Variants in DLC1 observed in about 807,000 individuals in gnomAD.
The protein encoded by DLC1 is DLC1 Rho GTPase activating protein, also known as rho GTPase-activating protein 7.
A neutral mutation model predicts 140.3 loss-of-function variants in DLC1; 54 were observed. The ratio of observed to expected loss-of-function variants is 0.38; its 90% confidence interval spans 0.31 to 0.48. The LOEUF (loss-of-function observed/expected upper bound fraction) is 0.48, where lower values mean the gene tolerates loss of function less well. Ranked by LOEUF, DLC1 falls within the 20% of genes least tolerant of loss-of-function variation. DLC1 has a pLI of 0.96. For synonymous variants in DLC1, 986 were observed against 728.1 expected (o/e 1.35, Z -5.70); for missense variants, 2,536 against 1,907.0 (o/e 1.33, Z -6.14).
intron 1 of DLC1, among the ~76,000 whole-genome samples, chr8:13,576,453 A>C (rs377542251): frequency 6.6e-6 from 1 of 152,320 alleles, no homozygotes; most frequent in East Asian, 1.9e-4. Context: ...ATTTATAATG[A>C]GAATGTAAAC....
At chr8:13,162,203 C>A (rs896747548) in intron 5 of DLC1, among the ~76,000 whole-genome samples, 16 of 152,282 alleles carry the variant, frequency 1.1e-4, no homozygotes, top group Non-Finnish European at 2.4e-4. Flanking sequence ...CAGGAAAAGG[C>A]AAACAATTCT....
intron 4 of DLC1, among the ~76,000 whole-genome samples, chr8:13,384,827 A>G (rs1454141659): frequency 6.6e-6 from 1 of 152,164 alleles, no homozygotes; most frequent in African/African-American, 2.4e-5. Context: ...AACCTTAGAA[A>G]TGAATGCAAT....
intron 5 of DLC1, among the ~76,000 whole-genome samples, chr8:13,267,488 T>C (rs905111754): frequency 6.6e-6 from 1 of 152,162 alleles, no homozygotes; most frequent in Admixed American, 6.5e-5. Context: ...TGGATCATGA[T>C]AAACTGAACC....
At chr8:13,131,875 C>T (rs904150878) in intron 5 of DLC1, among the ~76,000 whole-genome samples, 2 of 152,188 alleles carry the variant, frequency 1.3e-5, no homozygotes, top group African/African-American at 2.4e-5. Context: ...CTTTCCTCGC[C>T]CCAGGGGCTG....
At chr8:13,550,262 T>C (rs972933947) in intron 1 of DLC1, among the ~76,000 whole-genome samples, 2 of 152,082 alleles carry the variant, frequency 1.3e-5, no homozygotes, top group African/African-American at 2.4e-5. Context: ...GCAGTTTTTT[T>C]CTCTGCTCAC....
At chr8:13,141,534 C>T (rs1029749420) in intron 5 of DLC1, among the ~76,000 whole-genome samples, 4 of 152,090 alleles carry the variant, frequency 2.6e-5, no homozygotes, top group African/African-American at 9.7e-5. Context: ...ACTAAGGAGA[C>T]GTTTTGTGCT....
At chr8:13,590,850 A>C (rs895562041) in intron 1 of DLC1, among the ~76,000 whole-genome samples, 4 of 152,154 alleles carry the variant, frequency 2.6e-5, no homozygotes, top group Non-Finnish European at 5.9e-5. Context: ...TGCTTCATTT[A>C]CAACTTAAGC....
At chr8:13,555,261 A>T (rs950724945) in intron 1 of DLC1, among the ~76,000 whole-genome samples, 6 of 151,650 alleles carry the variant, frequency 4.0e-5, no homozygotes, top group Admixed American at 3.9e-4. Flanking sequence ...TAAATTATTT[A>T]CTCACTGTGC....
rs199913730 is a variant in DLC1, at chr8:13,499,752, A to C, written c.320T>G (p.Leu107Arg). 6.2e-7 allele frequency: 1 copy of C among 1,614,102 alleles called. No individual in the cohort carries two copies. Among genetic ancestry groups the C allele is most frequent in the East Asian group, 2.2e-5 (1 of 44,874 alleles). ...GTTATCCTCATCAGAAACATGCACT[A>C]GTGTTTCTGTGCTGGCTTCCAGAGA... ...FLSLEASTET[L>R]VHVSDEDNNA... The change falls in exon 2 of 18, where the codon CTA becomes CGA. Residue 107 changes from leucine to arginine, a missense_variant. Coordinates refer to ENST00000276297, the MANE Select transcript of DLC1 (RefSeq NM_182643.3).
At chr8:13,401,448 A>C in intron 3 of DLC1, 22 bp downstream of exon 3, 4 of 1,610,872 alleles carry the variant, frequency 2.5e-6, no homozygotes, top group Non-Finnish European at 3.4e-6. Flanking sequence ...ATGGGAAAAG[A>C]AGTAGAAAGT....
chr8:13,139,827 C>A (rs1822841863), intron 5 of DLC1, among the ~76,000 whole-genome samples: 1 of 152,220 alleles, frequency 6.6e-6, no homozygotes, highest in Admixed American at 6.5e-5. Context: ...ACATTGTGAT[C>A]ACTTTTTATT....
chr8:13,148,635 A>G (rs1823598624), intron 5 of DLC1, among the ~76,000 whole-genome samples: 1 of 151,992 alleles, frequency 6.6e-6, no homozygotes, highest in South Asian at 2.1e-4. Context: ...CTCCTTGGTA[A>G]CATCTGCAGG....
At chr8:13,334,807 A>G (rs186761748) in intron 4 of DLC1, among the ~76,000 whole-genome samples, 49 of 152,340 alleles carry the variant, frequency 3.2e-4, no homozygotes, top group Non-Finnish European at 4.4e-5. Context: ...TTAGATGTCC[A>G]AAGTAGAGAT....
rs542996973 is a variant in DLC1, at chr8:13,243,092, C to G, written c.1348+62177G>C. 9.9e-5 allele frequency among the ~76,000 whole-genome samples: 15 copies of G among 151,548 alleles called. No homozygotes were observed. In the South Asian group the frequency reaches 2.7e-3, roughly 27 times the overall value. ...ATCGCTTGAGGTCAGGAGTTCAAGA[C>G]CACCCTGGCCAACATGGCAAAAACC... On this transcript the variant is annotated intron_variant, in intron 5 of 17. Transcript: ENST00000276297.
intron 6 of DLC1, among the ~76,000 whole-genome samples, chr8:13,113,273 G>T (rs1820267445): frequency 6.6e-6 from 1 of 152,162 alleles, no homozygotes; most frequent in South Asian, 2.1e-4. Flanking sequence ...CGCAAATCAA[G>T]CTTAACAGGG....
Position 13,278,509 on chromosome 8 carries a change from C to T in DLC1, c.1348+26760G>A, listed in dbSNP as rs139322026. On this transcript the variant is annotated intron_variant, in intron 5 of 17. Coordinates refer to ENST00000276297, the MANE Select transcript of DLC1 (RefSeq NM_182643.3). ...CTTCGAGGAGGAAATATCACATCGA[C>T]CAAAAGTGATTCCAAAATAATGTGA... Among the ~76,000 whole-genome samples the T allele has an allele frequency of 5.3e-5, 8 of 152,242 alleles. No homozygotes were observed. In the East Asian group the frequency reaches 1.5e-3, roughly 29 times the overall value.
chr8:13,547,692 T>G (rs906136809), intron 1 of DLC1, among the ~76,000 whole-genome samples: 1 of 152,086 alleles, frequency 6.6e-6, no homozygotes, highest in Non-Finnish European at 1.5e-5. Flanking sequence ...TCTAGCTATT[T>G]GTTAGCTCGA....
rs754286581 is a variant in DLC1, at chr8:13,099,576, T to C, written c.2761A>G (p.Asn921Asp). The C allele has an allele frequency of 2.5e-6, 4 of 1,614,174 alleles. No homozygotes were observed. In the South Asian group the frequency reaches 3.3e-5, roughly 13 times the overall value. ...TCAGAAAACTTCTCCGACCACTGAT[T>C]GACTATCCGCTGCATCCCCTTCACG... ...YHVKGMQRIV[N>D]QWSEKFSDEG... is the part of the protein sequence containing the mutation. Residue 921 changes from asparagine (N) to aspartate (D), a missense_variant, in exon 9 of 18, where the codon AAT becomes GAT. By Grantham distance (23) the Asn-to-Asp change is conservative. Transcript: ENST00000276297.
chr8:13,196,970 T>G (rs1350130765), intron 5 of DLC1, among the ~76,000 whole-genome samples: 2 of 152,222 alleles, frequency 1.3e-5, no homozygotes, highest in African/African-American at 2.4e-5. Context: ...TGATGTCTTC[T>G]TGAAAGTATG....
Sources: gnomAD v4.1 joint callset for allele counts (sites outside exome capture counted in the v4.1 genomes callset) on GRCh38, gnomAD v4.1.1 for gene constraint, MANE v1.5 for transcripts, NCBI Gene and HGNC (gene_info 2026-07-23, HGNC 2026-07-21) for gene names.